Variants in MPPED2 observed in about 807,000 individuals in gnomAD.
MPPED2 encodes the protein metallophosphoesterase domain containing 2, also known as metallophosphoesterase MPPED2.
In MPPED2, 5 loss-of-function variants were observed where a neutral mutation model predicts 33.0. That is an observed-to-expected ratio of 0.15 (90% CI 0.08 to 0.32). The LOEUF (loss-of-function observed/expected upper bound fraction) is 0.32, where lower values mean the gene tolerates loss of function less well. Among genes scored for constraint, MPPED2 ranks in the 10% least tolerant of loss-of-function variants. The pLI, the probability that MPPED2 is intolerant of heterozygous loss-of-function variation, is 1.00. For missense variants in MPPED2, 275 were observed against 372.1 expected, an observed-to-expected ratio of 0.74 and a Z score of 2.15; for synonymous variants, 136 against 141.9, an observed-to-expected ratio of 0.96 and a Z score of 0.29.
intron 2 of MPPED2, among the ~76,000 whole-genome samples, chr11:30,549,164 T>C (rs1393020002): frequency 2.6e-5 from 4 of 152,220 alleles, no homozygotes; most frequent in Non-Finnish European, 5.9e-5. Flanking sequence ...TGCATCCCTA[T>C]ACACACATGA....
intron 2 of MPPED2, among the ~76,000 whole-genome samples, chr11:30,557,458 G>T (rs1470045309): frequency 6.6e-6 from 1 of 151,960 alleles, no homozygotes; most frequent in Non-Finnish European, 1.5e-5. Flanking sequence ...TTATGTCAAG[G>T]CAAATTATTA....
intron 3 of MPPED2, among the ~76,000 whole-genome samples, chr11:30,510,563 T>C (rs1953111736): frequency 1.3e-5 from 2 of 152,244 alleles, no homozygotes; most frequent in Admixed American, 1.3e-4. Context: ...GGCTCATCTC[T>C]AGCTTAGTAT....
chr11:30,557,329 C>T (rs973562430), intron 2 of MPPED2, among the ~76,000 whole-genome samples: 19 of 151,030 alleles, frequency 1.3e-4, no homozygotes, highest in African/African-American at 2.7e-4. Flanking sequence ...TCAATTAAAA[C>T]GCTTTGTTGG....
chr11:30,561,983 G>A (rs1300291460), intron 2 of MPPED2, among the ~76,000 whole-genome samples: 1 of 152,142 alleles, frequency 6.6e-6, no homozygotes, highest in Non-Finnish European at 1.5e-5. Flanking sequence ...CTCGACCATA[G>A]TCAGATCTGA....
chr11:30,567,445 A>G (rs1037404144), intron 2 of MPPED2, among the ~76,000 whole-genome samples: 10 of 152,154 alleles, frequency 6.6e-5, no homozygotes, highest in African/African-American at 2.4e-4. Context: ...TAAAAAATCC[A>G]AAGTGTTAAA....
chr11:30,533,141 A>G (rs567656883), intron 3 of MPPED2, among the ~76,000 whole-genome samples: 1 of 152,284 alleles, frequency 6.6e-6, no homozygotes, highest in Admixed American at 6.5e-5. Context: ...AAGGGCTCAC[A>G]CTTTGGAGTC....
intron 4 of MPPED2, among the ~76,000 whole-genome samples, chr11:30,460,236 T>C (rs574014255): frequency 6.6e-6 from 1 of 152,332 alleles, no homozygotes; most frequent in Non-Finnish European, 1.5e-5. Flanking sequence ...CTTCTTGTCT[T>C]CTTTTGATAC....
chr11:30,551,794 T>C (rs982562697), intron 2 of MPPED2, among the ~76,000 whole-genome samples: 2 of 152,216 alleles, frequency 1.3e-5, no homozygotes, highest in Admixed American at 6.5e-5. Flanking sequence ...CTCTGGAATA[T>C]GGGCAAGTTA....
intron 4 of MPPED2, among the ~76,000 whole-genome samples, chr11:30,425,843 C>T (rs1220129539): frequency 6.6e-6 from 1 of 152,114 alleles, no homozygotes; most frequent in Non-Finnish European, 1.5e-5. Context: ...AGAGGAATCT[C>T]ACAGTTCCCA....
intron 1 of MPPED2, among the ~76,000 whole-genome samples, chr11:30,583,495 C>G (rs1347310252): frequency 6.6e-6 from 1 of 152,136 alleles, no homozygotes; most frequent in South Asian, 2.1e-4. Context: ...ACTGACACTG[C>G]CAAACATTCA....
chr11:30,435,022 A>G (rs1449164444), intron 4 of MPPED2, among the ~76,000 whole-genome samples: 1 of 152,176 alleles, frequency 6.6e-6, no homozygotes, highest in Non-Finnish European at 1.5e-5. Context: ...TTGCTACCCA[A>G]GTTTCTCTGG....
At chr11:30,494,466 G>T (rs1333923513) in intron 4 of MPPED2, among the ~76,000 whole-genome samples, 1 of 152,062 alleles carries the variant, frequency 6.6e-6, no homozygotes, top group African/African-American at 2.4e-5. Flanking sequence ...GGCCAGGAGC[G>T]GTGGCTTATA....
At chr11:30,573,732 T>A (rs1956803812) in intron 2 of MPPED2, among the ~76,000 whole-genome samples, 1 of 152,196 alleles carries the variant, frequency 6.6e-6, no homozygotes, top group Non-Finnish European at 1.5e-5. Flanking sequence ...GATAAATTGT[T>A]ATAGTGATGA....
intron 2 of MPPED2, among the ~76,000 whole-genome samples, chr11:30,579,579 C>T (rs1374985369): frequency 6.6e-6 from 1 of 152,140 alleles, no homozygotes; most frequent in Non-Finnish European, 1.5e-5. Flanking sequence ...CCACACTTTG[C>T]TCCTTAAACA....
chr11:30,470,207 G>A (rs1950889359), intron 4 of MPPED2, among the ~76,000 whole-genome samples: 2 of 152,134 alleles, frequency 1.3e-5, no homozygotes. Flanking sequence ...TAATGTAAGA[G>A]GTTTTGGAAA....
At chr11:30,508,735 C>A (rs549001364) in intron 3 of MPPED2, among the ~76,000 whole-genome samples, 3 of 152,178 alleles carry the variant, frequency 2.0e-5, no homozygotes, top group African/African-American at 4.8e-5. Context: ...TTATTGCCCA[C>A]AGACAAAGGG....
chr11:30,571,649 G>T (rs1956696618), intron 2 of MPPED2, among the ~76,000 whole-genome samples: 1 of 152,126 alleles, frequency 6.6e-6, no homozygotes, highest in African/African-American at 2.4e-5. Context: ...ACATGGGAAG[G>T]AAAGAGCTAA....
chr11:30,434,482 GATCATCCTGGTTT>G (rs1250485166), intron 4 of MPPED2, among the ~76,000 whole-genome samples: 4 of 152,162 alleles, frequency 2.6e-5, no homozygotes, highest in Non-Finnish European at 4.4e-5. Flanking sequence ...TGGATCCACA[GATCATCCTGGTTT>G]ATCATCCTGG....
At chr11:30,464,055 A>G (rs1276263861) in intron 4 of MPPED2, among the ~76,000 whole-genome samples, 1 of 152,192 alleles carries the variant, frequency 6.6e-6, no homozygotes, top group African/African-American at 2.4e-5. Context: ...TATAAATTTG[A>G]TTAGTTATAT....
Sources: allele counts gnomAD v4.1 joint callset (sites outside exome capture counted in the v4.1 genomes callset), GRCh38; gene constraint gnomAD v4.1.1; transcripts MANE v1.5; gene names NCBI Gene and HGNC (gene_info 2026-07-23, HGNC 2026-07-21).